The following EPN2 variants were observed in gnomAD, a reference collection of about 807,000 sequenced individuals.
EPN2 encodes epsin 2, also known as epsin-2.
A neutral mutation model predicts 61.7 loss-of-function variants in EPN2; 34 were observed. The ratio of observed to expected loss-of-function variants is 0.55; its 90% CI spans 0.42 to 0.73. The LOEUF (loss-of-function observed/expected upper bound fraction) is 0.73, where lower values mean the gene tolerates loss of function less well. Ranked by LOEUF, EPN2 falls within the 30% of genes least tolerant of loss-of-function variation. The pLI is 0.00. For synonymous variants in EPN2, 349 were observed against 353.6 expected, an observed-to-expected ratio of 0.99 and a Z score of 0.15; for missense variants, 714 against 839.2, an observed-to-expected ratio of 0.85 and a Z score of 1.84.
At chr17:19,308,671 A>G (rs1324251475) in intron 4 of EPN2, 8 of 985,342 alleles carry the variant, frequency 8.1e-6, no homozygotes, top group East Asian at 1.1e-4. Flanking sequence ...GCAAGGAACC[A>G]TCTAAAGCAG....
intron 7 of EPN2, among the ~76,000 whole-genome samples, chr17:19,325,074 T>C (rs1906807834): frequency 6.6e-6 from 1 of 152,140 alleles, no homozygotes; most frequent in Non-Finnish European, 1.5e-5. Context: ...AACCTATAAA[T>C]AGAAATCTGT....
At chr17:19,317,789 C>T (rs920157764) in intron 7 of EPN2, among the ~76,000 whole-genome samples, 1 of 152,184 alleles carries the variant, frequency 6.6e-6, no homozygotes, top group South Asian at 2.1e-4. Flanking sequence ...AGCCTTGCAG[C>T]GGATCTACTG....
chr17:19,300,267 G>A (rs187364559), intron 4 of EPN2, among the ~76,000 whole-genome samples: 3 of 152,266 alleles, frequency 2.0e-5, no homozygotes, highest in South Asian at 2.1e-4. Context: ...CAGATCCCAC[G>A]CCATTAGCCC....
At chr17:19,258,951 A>T (rs1386762904) in intron 1 of EPN2, among the ~76,000 whole-genome samples, 1 of 152,244 alleles carries the variant, frequency 6.6e-6, no homozygotes, top group Non-Finnish European at 1.5e-5. Flanking sequence ...TGTGTGCCAC[A>T]TCATATTACC....
chr17:19,254,555 C>CAA (rs1039910836), intron 1 of EPN2, among the ~76,000 whole-genome samples: 1 of 151,950 alleles, frequency 6.6e-6, no homozygotes, highest in African/African-American at 2.4e-5. Context: ...AAAACAAAAA[C>CAA]AAAAACAAAA....
Position 19,317,730 on chromosome 17 carries a change from G to T in EPN2, c.1147+4451G>T, listed in dbSNP as rs1023683393. Among the ~76,000 whole-genome samples, 4 of 152,162 alleles carry T rather than the reference G, an allele frequency of 2.6e-5. 1 individual carries two copies. The South Asian group carries it at 8.3e-4, about 32-fold the overall frequency. On this transcript the variant is annotated intron_variant, in intron 7 of 10. Transcript: ENST00000314728. ...CAAGCATTTATTGATTGGGTATGTG[G>T]CATGGCCTGGACCCTGCCGAGGACG...
At position 19,335,502 on chromosome 17, in the gene EPN2, C is replaced by CTTT. The variant is rs1408777428; in HGVS notation, c.*1248_*1249insTTT. 2 of 1,540,058 alleles carry CTTT rather than the reference C, an allele frequency of 1.3e-6. No homozygotes were observed. Among genetic ancestry groups the CTTT allele is most frequent in the East Asian group, 4.9e-5 (2 of 40,750 alleles). ...GTCTGTGATCTCCTCTGTCTTAATC[C>CTTT]ACGCTCAGGCTAAAGATGGGGATAA... On this transcript the variant is annotated 3_prime_UTR_variant, in exon 11 of 11. Coordinates refer to ENST00000314728, the MANE Select transcript of EPN2 (RefSeq NM_014964.5).
intron 4 of EPN2, among the ~76,000 whole-genome samples, chr17:19,300,145 C>T (rs1438978076): frequency 3.3e-5 from 5 of 152,098 alleles, no homozygotes; most frequent in Non-Finnish European, 5.9e-5. Context: ...CCCCAATGTC[C>T]GGAGAAGCGG....
In EPN2 at chr17:19,331,683, T is replaced by A. The variant is rs1786282420; in HGVS notation, c.1412-170T>A. ...ATTCTTCTGTTCCTGCATGCTGGTG[T>A]TTCGTTATGTGGACACTTGATTTAT... On this transcript the variant is annotated intron_variant, in intron 9 of 10. Transcript: ENST00000314728. Among the ~76,000 whole-genome samples, 4 of 152,178 alleles carry A rather than the reference T, an allele frequency of 2.6e-5. No homozygotes were observed. In the South Asian group the frequency reaches 8.3e-4, roughly 31 times the overall value.
chr17:19,294,815 C>T (rs1285770082), intron 4 of EPN2, among the ~76,000 whole-genome samples: 2 of 152,184 alleles, frequency 1.3e-5, no homozygotes, highest in African/African-American at 4.8e-5. Context: ...GCACTGACAG[C>T]ATTGTACTGG....
intron 4 of EPN2, among the ~76,000 whole-genome samples, chr17:19,293,836 C>T (rs886659110): frequency 6.6e-6 from 1 of 151,946 alleles, no homozygotes; most frequent in Non-Finnish European, 1.5e-5. Context: ...GCCTATAATC[C>T]CAGCACTTTG....
At chr17:19,319,386 G>A (rs940011482) in intron 7 of EPN2, among the ~76,000 whole-genome samples, 1 of 151,008 alleles carries the variant, frequency 6.6e-6, no homozygotes, top group East Asian at 2.0e-4. Flanking sequence ...GTGCAGTGGC[G>A]CAATCTCGGC....
At chr17:19,291,020 C>T (rs1406159755) in intron 4 of EPN2, among the ~76,000 whole-genome samples, 5 of 152,240 alleles carry the variant, frequency 3.3e-5, no homozygotes, top group Admixed American at 6.5e-5. Context: ...GCTCCTCTCA[C>T]ACCCCACCCG....
rs1400277288 is a variant in EPN2, at chr17:19,336,428, A to G, written c.*2174A>G. 5 of 152,534 alleles carry G rather than the reference A, an allele frequency of 3.3e-5. No individual in the cohort carries two copies. The highest frequency in any genetic ancestry group is 1.2e-4 in the African/African-American group (5 of 41,426). 9.4% of individuals were successfully genotyped at this position (152,534 alleles called of 1,614,324 possible). ...CATGATGTGACTTTGAGGCCCCAAC[A>G]TGACAGCCACTGGGCCACCGGGACC... On this transcript the variant is annotated 3_prime_UTR_variant, in exon 11 of 11. Coordinates refer to ENST00000314728, the MANE Select transcript of EPN2 (RefSeq NM_014964.5).
At chr17:19,333,818 G>A in intron 10 of EPN2, 138 bp from the exon 11 acceptor site, 1 of 600,418 alleles carries the variant, frequency 1.7e-6, no homozygotes, top group South Asian at 2.9e-5. Context: ...GCTAGTGTCT[G>A]CCATGGACTC....
chr17:19,262,064 G>A (rs2045147220), intron 1 of EPN2, among the ~76,000 whole-genome samples: 1 of 152,144 alleles, frequency 6.6e-6, no homozygotes, highest in Non-Finnish European at 1.5e-5. Flanking sequence ...GCGCATCCCT[G>A]TAGTCCCAGC....
Position 19,298,063 on chromosome 17 carries a change from A to T in EPN2, c.767-11822A>T, listed in dbSNP as rs1406923731. Among the ~76,000 whole-genome samples, 3 of 151,818 alleles carry T rather than the reference A, an allele frequency of 2.0e-5. No individual in the cohort carries two copies. The East Asian group carries it at 5.8e-4, about 30-fold the overall frequency. On this transcript the variant is annotated intron_variant, in intron 4 of 10. Transcript: ENST00000314728. ...GCTAATTTTTGTATTTTTAGTAGAG[A>T]TGGGGTTTCACCATATTGGCCAGAC...
At chr17:19,331,336 CTGT>C (rs1907145581) in intron 9 of EPN2, among the ~76,000 whole-genome samples, 1 of 152,150 alleles carries the variant, frequency 6.6e-6, no homozygotes, top group Non-Finnish European at 1.5e-5. Flanking sequence ...GAGAGAATGA[CTGT>C]TGTTAAGAAT....
Position 19,290,720 on chromosome 17 carries a change from A to AAAAAAAAAAAAAAAAAAAAAG in EPN2, c.766+4935_766+4936insAAAAAAAAAAAAAAAGAAAAA, listed in dbSNP as rs1555600084. Among the ~76,000 whole-genome samples, 9 of 105,566 alleles carry AAAAAAAAAAAAAAAAAAAAAG rather than the reference A, an allele frequency of 8.5e-5. 1 individual carries two copies. Among genetic ancestry groups the AAAAAAAAAAAAAAAAAAAAAG allele is most frequent in the Non-Finnish European group, 1.4e-4 (7 of 51,562 alleles). The allele number at this position is 105,566 out of a possible 152,430, so 69.3% of individuals were successfully genotyped here. On this transcript the variant is annotated intron_variant, in intron 4 of 10. Coordinates refer to ENST00000314728, the MANE Select transcript of EPN2 (RefSeq NM_014964.5). The stretch of plus-strand genomic sequence containing the variant: ...GTTCTCAAAAAAAAAAAAAAAGAAA[A>AAAAAAAAAAAAAAAAAAAAAG]AAAAAGAAAAAGGAAGGCAGGCAGA...
Sources: gnomAD v4.1 joint callset for allele counts (sites outside exome capture counted in the v4.1 genomes callset) on GRCh38, gnomAD v4.1.1 for gene constraint, MANE v1.5 for transcripts, NCBI Gene and HGNC (gene_info 2026-07-23, HGNC 2026-07-21) for gene names.